The following MROH7 variants were observed in gnomAD, a reference collection of about 807,000 sequenced individuals.
MROH7 encodes maestro heat-like repeat-containing protein family member 7.
A neutral mutation model predicts 129.2 loss-of-function variants in MROH7; 113 were observed. The ratio of observed to expected loss-of-function variants is 0.87; its 90% CI spans 0.75 to 1.02. The LOEUF (loss-of-function observed/expected upper bound fraction) is 1.02. MROH7 is among the 50% of genes least tolerant of loss of function. The pLI is 0.00. For synonymous variants in MROH7, 655 were observed against 667.9 expected (o/e 0.98, Z 0.30); for missense variants, 1,601 against 1,671.3 (o/e 0.96, Z 0.73).
Position 54,665,020 on chromosome 1 carries a change from A to C in MROH7, c.1232-147A>C, listed in dbSNP as rs866937664. On this transcript the variant is annotated intron_variant, in intron 3 of 23. Coordinates refer to ENST00000421030, the MANE Select transcript of MROH7 (RefSeq NM_001039464.4). The stretch of plus-strand genomic sequence containing the variant: ...GCAATAAGAGTGAGACTGTCTCAAA[A>C]AAAAGGAAAAGAAAAGAAAGCTCAG... The C allele has an allele frequency of 5.1e-6, 3 of 591,054 alleles. No homozygotes were observed. The Middle Eastern group carries it at 1.0e-3, about 198-fold the overall frequency. The allele number at this position is 591,054 out of a possible 1,614,324, so 36.6% of individuals were successfully genotyped here.
Position 54,670,904 on chromosome 1 carries a change from A to G in MROH7, c.1574A>G (p.Asp525Gly). 1 of 1,609,194 alleles carries G rather than the reference A, an allele frequency of 6.2e-7. No homozygotes were observed. The highest frequency in any genetic ancestry group is 1.1e-5 in the South Asian group (1 of 89,976). The change falls in exon 7 of 24, where the codon GAC becomes GGC. Residue 525 changes from aspartate to glycine, a missense_variant. Asp to Gly is a moderately conservative substitution (Grantham distance 94). Transcript: ENST00000421030. Reference sequence around the variant, plus strand: ...TCCGTGCAGGCGATGCAGGAGAAGGACGAGGCCAAGGCTGAGACCATCCAG... The same window carrying G: ...TCCGTGCAGGCGATGCAGGAGAAGGGCGAGGCCAAGGCTGAGACCATCCAG... The part of the protein sequence containing the change: ...LPSVQAMQEK[D>G]EAKAETIQAL...
At chr1:54,673,920 T>C in intron 9 of MROH7, 96 bp from the exon 10 acceptor site, 2 of 1,537,722 alleles carry the variant, frequency 1.3e-6, no homozygotes, top group Non-Finnish European at 9.0e-7. Context: ...CAGAGGGCTG[T>C]GCTATCTGGG....
intron 3 of MROH7, among the ~76,000 whole-genome samples, chr1:54,658,806 T>C (rs1436857529): frequency 6.6e-6 from 1 of 152,144 alleles, no homozygotes; most frequent in East Asian, 1.9e-4. Context: ...GTAGTGGGGA[T>C]GGGGGTGCTG....
intron 7 of MROH7, 91 bp from the exon 8 acceptor site, chr1:54,673,000 C>T (rs564400): frequency 0.26 from 219,740 of 831,818 alleles, 30,325 homozygotes; most frequent in South Asian, 0.43. Flanking sequence ...GTCTTAATTC[C>T]CCCTCCTCCC....
intron 14 of MROH7, among the ~76,000 whole-genome samples, chr1:54,684,097 A>G (rs569291867): frequency 6.6e-6 from 1 of 152,322 alleles, no homozygotes; most frequent in African/African-American, 2.4e-5. Flanking sequence ...TATTTTTTCA[A>G]TAAGTGTTTA....
intron 22 of MROH7, 47 bp from the exon 23 acceptor site, chr1:54,708,967 G>GGGGGGGGGGGGGGGGGCC: frequency 7.5e-7 from 1 of 1,329,386 alleles, no homozygotes; most frequent in Non-Finnish European, 1.0e-6. Flanking sequence ...TTGGGGTGGG[G>GGGGGGGGGGGGGGGGGCC]TCGACGTCGG....
intron 17 of MROH7, chr1:54,698,078 T>C (rs3816071): frequency 0.18 from 34,783 of 193,674 alleles, 3,471 homozygotes; most frequent in South Asian, 0.22. Flanking sequence ...GCAGCTCAGA[T>C]GCCCCTTTCA....
At chr1:54,648,427 G>A (rs145057055) in intron 1 of MROH7, among the ~76,000 whole-genome samples, 5,534 of 151,542 alleles carry the variant, frequency 0.037, 336 homozygotes, top group African/African-American at 0.13. Flanking sequence ...GTGCAGTGGC[G>A]CAATCTCGGC....
intron 17 of MROH7, chr1:54,699,924 G>C: frequency 3.4e-6 from 2 of 588,334 alleles, no homozygotes; most frequent in South Asian, 4.2e-5. Context: ...AGTGGAGGTG[G>C]GCATCCCAGG....
At chr1:54,656,363 C>A (rs1303226047) in intron 3 of MROH7, among the ~76,000 whole-genome samples, 1 of 145,184 alleles carries the variant, frequency 6.9e-6, no homozygotes, top group Non-Finnish European at 1.5e-5. Context: ...AATACAAAAT[C>A]TGCTGGTGTG....
chr1:54,686,502 T>TC, intron 15 of MROH7, 54 bp downstream of exon 15: 3 of 1,537,406 alleles, frequency 2.0e-6, no homozygotes, highest in Non-Finnish European at 2.7e-6. Flanking sequence ...GGAAGGGCCA[T>TC]CCAGTCAGAG....
Position 54,678,169 on chromosome 1 carries a change from G to C in MROH7, c.1937-573G>C, listed in dbSNP as rs58027112. Among the ~76,000 whole-genome samples the C allele has an allele frequency of 2.1e-3, 317 of 152,256 alleles. 9 individuals are homozygous for C. The East Asian group carries it at 0.056, about 27-fold the overall frequency. ...CAATATCTTCTGTAGCCGAACCTATGCTTAGACTATGACCCAGCAATCCAT... is the reference window on the plus strand; with the variant it reads ...CAATATCTTCTGTAGCCGAACCTATCCTTAGACTATGACCCAGCAATCCAT... On this transcript the variant is annotated intron_variant, in intron 10 of 23. Coordinates refer to ENST00000421030, the MANE Select transcript of MROH7 (RefSeq NM_001039464.4).
chr1:54,652,075 T>G (rs1216203226), intron 2 of MROH7, 92 bp downstream of exon 2: 1 of 152,496 alleles, frequency 6.6e-6, no homozygotes, highest in Non-Finnish European at 1.5e-5. Flanking sequence ...AGCAGTTAGA[T>G]TGCTGTGTTA....
rs762893974 is a variant in MROH7, at chr1:54,653,684, A to C, written c.758A>C (p.His253Pro). ...DTNETITLASHNISESVSKGA... is the reference protein window; with the variant it reads ...DTNETITLASPNISESVSKGA... Reference sequence around the variant, plus strand: ...AATGAGACCATCACTTTGGCTTCACATAATATCTCTGAGTCTGTTTCAAAA... The same window carrying C: ...AATGAGACCATCACTTTGGCTTCACCTAATATCTCTGAGTCTGTTTCAAAA... The change falls in exon 3 of 24, where the codon CAT (histidine) becomes CCT (proline). Residue 253 changes from histidine (H) to proline (P), a missense_variant. Transcript: ENST00000421030. 1 of 1,614,118 alleles carries C rather than the reference A, an allele frequency of 6.2e-7. No individual in the cohort carries two copies. Among genetic ancestry groups the C allele is most frequent in the East Asian group, 2.2e-5 (1 of 44,874 alleles).
rs1553176888 is a variant in MROH7 at position 54,699,127 on chromosome 1, T to TTTC, written c.2965-1191_2965-1189dup. 3.2e-5 allele frequency: 3 copies of TTTC among 93,860 alleles called. No homozygotes were observed. The East Asian group carries it at 8.6e-4, about 27-fold the overall frequency. 5.8% of individuals were successfully genotyped at this position (93,860 alleles called of 1,614,324 possible). Reference sequence around the variant, plus strand: ...CTTTCTTTCTTTCTTTCTTTCTTTCTTTCTTTCTTTCTTTCTTTCTTTCTT... The same window carrying TTTC: ...CTTTCTTTCTTTCTTTCTTTCTTTCTTTCTTCTTTCTTTCTTTCTTTCTTTCTT... On this transcript the variant is annotated intron_variant, in intron 17 of 23. Transcript: ENST00000421030.
intron 22 of MROH7, 139 bp from the exon 23 acceptor site, chr1:54,708,875 C>G (rs1363020462): frequency 1.4e-6 from 1 of 724,036 alleles, no homozygotes; most frequent in Non-Finnish European, 2.4e-6. Context: ...TCCCAGGGTC[C>G]AAATGAAGTT....
chr1:54,674,033 G>A lies in MROH7; in HGVS notation c.1818G>A (p.Pro606=), dbSNP rs763219467. Reference sequence around the variant, plus strand: ...ACAAACAGATGCCCTTGGGGTTCCCGGCGCTGGGGCTTCTGCTGGGGAGAC... The same window carrying A: ...ACAAACAGATGCCCTTGGGGTTCCCAGCGCTGGGGCTTCTGCTGGGGAGAC... ...TLPFFMPLGF[P]ALGLLLGRLI... Residue 606 remains proline, a synonymous_variant, in exon 10 of 24, where the codon CCG becomes CCA. Coordinates refer to ENST00000421030, the MANE Select transcript of MROH7 (RefSeq NM_001039464.4). 31 of 1,613,948 alleles carry A rather than the reference G, an allele frequency of 1.9e-5. No individual in the cohort carries two copies. The South Asian group carries it at 2.0e-4, about 10-fold the overall frequency.
chr1:54,644,257 A>G (rs1644429491), intron 1 of MROH7, among the ~76,000 whole-genome samples: 1 of 148,352 alleles, frequency 6.7e-6, no homozygotes, highest in South Asian at 2.1e-4. Context: ...AGGGGGGTCT[A>G]TTTTCTCTTT....
chr1:54,659,693 T>G (rs1644703593), intron 3 of MROH7, among the ~76,000 whole-genome samples: 1 of 152,204 alleles, frequency 6.6e-6, no homozygotes, highest in African/African-American at 2.4e-5. Flanking sequence ...CCTCAGGTGA[T>G]CCACCTGCCT....
Sources: gnomAD v4.1 joint callset for allele counts (sites outside exome capture counted in the v4.1 genomes callset) on GRCh38, gnomAD v4.1.1 for gene constraint, MANE v1.5 for transcripts, NCBI Gene and HGNC (gene_info 2026-07-23, HGNC 2026-07-21) for gene names.